Variants in AZIN2 observed in about 807,000 individuals in gnomAD.
The protein encoded by AZIN2 is ODC antizyme inhibitor-2.
In AZIN2, 28 loss-of-function variants were observed where a neutral mutation model predicts 47.8. The observed-to-expected ratio is 0.59, with a 90% confidence interval of 0.43 to 0.80. The LOEUF is 0.80. AZIN2 is among the 30% of genes least tolerant of loss of function. The pLI is 0.00. For synonymous variants in AZIN2, 221 were observed against 239.4 expected (o/e 0.92, Z 0.71); for missense variants, 535 against 582.5 (o/e 0.92, Z 0.84).
Position 33,094,665 on chromosome 1 carries a change from T to C in AZIN2, c.705T>C (p.Leu235=). Residue 235 remains leucine (L), a synonymous_variant, in exon 8 of 12, where the codon CTT becomes CTC. Coordinates refer to ENST00000294517, the MANE Select transcript of AZIN2 (RefSeq NM_052998.4). ...ELGHKMHVLD[L]GGGFPGTEGA... ...GTCACAAGATGCACGTTCTGGACCT[T>C]GGTGGTGGCTTCCCTGGCACAGAAG... The C allele has an allele frequency of 6.2e-7, 1 of 1,614,106 alleles. No individual in the cohort carries two copies. The highest frequency in any genetic ancestry group is 8.5e-7 in the Non-Finnish European group (1 of 1,180,020).
At chr1:33,110,462 A>C (rs1047016604) in intron 10 of AZIN2, among the ~76,000 whole-genome samples, 3 of 152,270 alleles carry the variant, frequency 2.0e-5, no homozygotes, top group African/African-American at 4.8e-5. Context: ...ATCAGGTGCT[A>C]ACATTCTTTT....
chr1:33,098,116 C>T lies in AZIN2; in HGVS notation c.966C>T (p.Gly322=), dbSNP rs777190558. ...CCATCGTGTACCACCTTGATGAGGGCGTGTATGGGATCTTCAACTCAGTCC... is the reference window on the plus strand; with the variant it reads ...CCATCGTGTACCACCTTGATGAGGGTGTGTATGGGATCTTCAACTCAGTCC... The part of the protein sequence containing the change: ...SKTIVYHLDE[G]VYGIFNSVLF... Residue 322 remains glycine (G), a synonymous_variant, in exon 10 of 12, where the codon GGC becomes GGT. Coordinates refer to ENST00000294517, the MANE Select transcript of AZIN2 (RefSeq NM_052998.4). The T allele has an allele frequency of 3.0e-5, 48 of 1,614,090 alleles. No homozygotes were observed. Among genetic ancestry groups the T allele is most frequent in the South Asian group, 4.4e-5 (4 of 91,074 alleles).
At chr1:33,153,376 A>T in the AZIN2 span, among the ~76,000 whole-genome samples, 1 of 152,230 alleles carries the variant, frequency 6.6e-6, no homozygotes, top group Non-Finnish European at 1.5e-5. Context: ...TCTGGCAGGC[A>T]GCTTTCTCTA....
the AZIN2 span, chr1:33,146,985 C>G: frequency 1.6e-6 from 1 of 625,208 alleles, no homozygotes; most frequent in Non-Finnish European, 2.8e-6. Flanking sequence ...AGCTACAGAA[C>G]ATCGATGCTG....
Position 33,118,032 on chromosome 1 carries a change from T to C in AZIN2, c.1160T>C (p.Met387Thr), listed in dbSNP as rs143944841. 7.7e-5 allele frequency: 121 copies of C among 1,576,062 alleles called. No homozygotes were observed. In the African/African-American group the frequency reaches 1.4e-3, roughly 18 times the overall value. ...HVGDWLVFDN[M>T]GAYTVGMGSP... ...GGGGACTGGCTGGTCTTTGACAACA[T>C]GGGCGCCTACACTGTGGGCATGGGT... The change falls in exon 11 of 12, where the codon ATG becomes ACG. Residue 387 changes from methionine (M) to threonine (T), a missense_variant. Met to Thr is a moderately conservative substitution (Grantham distance 81). Transcript: ENST00000294517.
At chr1:33,144,702 C>T in the AZIN2 span, among the ~76,000 whole-genome samples, 1 of 152,202 alleles carries the variant, frequency 6.6e-6, no homozygotes, top group African/African-American at 2.4e-5. Context: ...TGTCCACATG[C>T]AGAGCCTGTC....
rs1160849749 is a variant in AZIN2 at position 33,123,285 on chromosome 1, A to G, written c.*3103A>G. Among the ~76,000 whole-genome samples the G allele has an allele frequency of 6.6e-6, 1 of 152,208 alleles. No individual in the cohort carries two copies. Among genetic ancestry groups the G allele is most frequent in the East Asian group, 1.9e-4 (1 of 5,206 alleles). ...ACCACCACTCAACATACTCTATAAC[A>G]TAACTCCATAATGTGTTCCATAACA... On this transcript the variant is annotated 3_prime_UTR_variant, in exon 12 of 12. Coordinates refer to ENST00000294517, the MANE Select transcript of AZIN2 (RefSeq NM_052998.4).
At chr1:33,153,044 T>A in the AZIN2 span, among the ~76,000 whole-genome samples, 2 of 7,340 alleles carry the variant, frequency 2.7e-4, no homozygotes, top group East Asian at 4.3e-3. Flanking sequence ...GATAGAGGGG[T>A]GGGAGGTGGG....
chr1:33,095,096 G>C (rs58284115), intron 8 of AZIN2, among the ~76,000 whole-genome samples: 4,042 of 152,288 alleles, frequency 0.027, 190 homozygotes, highest in African/African-American at 0.091. Flanking sequence ...TTGGTCTGCT[G>C]CCTGTCCATT....
chr1:33,094,415 C>T, intron 7 of AZIN2, 133 bp from the exon 8 acceptor site: 2 of 970,422 alleles, frequency 2.1e-6, no homozygotes. Context: ...TTGAACATTT[C>T]AGGACCTTGG....
At chr1:33,090,013 C>T (rs186434766) in intron 5 of AZIN2, among the ~76,000 whole-genome samples, 23 of 152,236 alleles carry the variant, frequency 1.5e-4, no homozygotes, top group African/African-American at 4.8e-4. Context: ...GGAGCTAATA[C>T]CCATCTGAAT....
At position 33,122,817 on chromosome 1, in the gene AZIN2, C is replaced by T. The variant is rs947284332; in HGVS notation, c.*2635C>T. 1.3e-5 allele frequency among the ~76,000 whole-genome samples: 2 copies of T among 152,240 alleles called. No homozygotes were observed. Among genetic ancestry groups the T allele is most frequent in the Non-Finnish European group, 2.9e-5 (2 of 68,038 alleles). The stretch of plus-strand genomic sequence containing the variant: ...CCTCCTGCGCGCACACTCACTCTCT[C>T]TCATTCTCTCCTTCAAGGAGTTAAC... On this transcript the variant is annotated 3_prime_UTR_variant, in exon 12 of 12. Coordinates refer to ENST00000294517, the MANE Select transcript of AZIN2 (RefSeq NM_052998.4).
chr1:33,097,117 C>A (rs1294495214), intron 9 of AZIN2, among the ~76,000 whole-genome samples: 1 of 152,156 alleles, frequency 6.6e-6, no homozygotes. Context: ...AGAATAGATA[C>A]TCTGTTGACC....
In AZIN2 at chr1:33,121,183, C is replaced by T. The variant is rs1028182326; in HGVS notation, c.*1001C>T. ...GGAGTTCAGATTTTAGAGTCCCCCTCAGTGGCTGCAGGGGACTCTAAATAT... is the reference window on the plus strand; with the variant it reads ...GGAGTTCAGATTTTAGAGTCCCCCTTAGTGGCTGCAGGGGACTCTAAATAT... On this transcript the variant is annotated 3_prime_UTR_variant, in exon 12 of 12. Coordinates refer to ENST00000294517, the MANE Select transcript of AZIN2 (RefSeq NM_052998.4). Among the ~76,000 whole-genome samples, 1 of 152,182 alleles carries T rather than the reference C, an allele frequency of 6.6e-6. No individual in the cohort carries two copies. Among genetic ancestry groups the T allele is most frequent in the Non-Finnish European group, 1.5e-5 (1 of 68,018 alleles).
rs1304328573 is a variant in AZIN2, at chr1:33,122,353, C to A, written c.*2171C>A. Among the ~76,000 whole-genome samples, 1 of 152,146 alleles carries A rather than the reference C, an allele frequency of 6.6e-6. No homozygotes were observed. The highest frequency in any genetic ancestry group is 2.4e-5 in the African/African-American group (1 of 41,424). ...AGTTTGGATGGATTTCTCACTGGAG[C>A]CTTTCTAGTGTTTCATGTTCCATTT... On this transcript the variant is annotated 3_prime_UTR_variant, in exon 12 of 12. Coordinates refer to ENST00000294517, the MANE Select transcript of AZIN2 (RefSeq NM_052998.4).
Position 33,096,914 on chromosome 1 carries a change from T to G in AZIN2, c.916+45T>G, listed in dbSNP as rs59666809. The G allele has an allele frequency of 5.3e-3, 8,464 of 1,612,116 alleles. 365 individuals are homozygous for G. In the African/African-American group the frequency reaches 0.095, roughly 18 times the overall value. On this transcript the variant is annotated intron_variant, in intron 9 of 11. Coordinates refer to ENST00000294517, the MANE Select transcript of AZIN2 (RefSeq NM_052998.4). ...TGGAGCCCTGTTCTCCCCTGAAGCT[T>G]CAGATAGTGGTTGGCTGAGCAGGAT... is the stretch of plus-strand genomic sequence containing the variant.
At chr1:33,143,418 G>A in the AZIN2 span, among the ~76,000 whole-genome samples, 5 of 152,290 alleles carry the variant, frequency 3.3e-5, no homozygotes, top group South Asian at 6.2e-4. Flanking sequence ...ATGAGAGGGC[G>A]TGGTTTTAGA....
chr1:33,136,260 T>C, the AZIN2 span, among the ~76,000 whole-genome samples: 3,467 of 151,376 alleles, frequency 0.023, 53 homozygotes, highest in Non-Finnish European at 0.036. Flanking sequence ...TCTTTCTTTT[T>C]CTTTCTCTCT....
chr1:33,106,530 T>A (rs545824978), intron 10 of AZIN2, among the ~76,000 whole-genome samples: 1 of 152,240 alleles, frequency 6.6e-6, no homozygotes, highest in South Asian at 2.1e-4. Flanking sequence ...CAATCCAAAT[T>A]AAATAGCACA....
Sources: gnomAD v4.1 joint callset for allele counts (sites outside exome capture counted in the v4.1 genomes callset) on GRCh38, gnomAD v4.1.1 for gene constraint, MANE v1.5 for transcripts, NCBI Gene and HGNC (gene_info 2026-07-23, HGNC 2026-07-21) for gene names.